PXMP2: variants seen among roughly 807,000 people sequenced by gnomAD.
PXMP2 encodes 22 kDa peroxisomal membrane protein.
A neutral mutation model predicts 20.2 loss-of-function variants in PXMP2; 13 were observed. The observed-to-expected ratio is 0.64, with a 90% CI of 0.42 to 1.02. The LOEUF (loss-of-function observed/expected upper bound fraction) is 1.02. PXMP2 is among the 50% of genes least tolerant of loss of function. The probability of loss-of-function intolerance (pLI) is 0.00; values close to 1 mark genes in which losing one functional copy is unlikely to be tolerated. For synonymous variants in PXMP2, 113 were observed against 111.2 expected (o/e 1.02, Z -0.10); for missense variants, 284 against 251.8 (o/e 1.13, Z -0.87).
intron 3 of PXMP2, among the ~76,000 whole-genome samples, chr12:132,697,409 A>ATTT (rs1484316132): frequency 2.0e-5 from 3 of 151,342 alleles, no homozygotes; most frequent in African/African-American, 4.8e-5. Context: ...TTATTTATTT[A>ATTT]TTTATTTTTT....
At chr12:132,690,202 A>T (rs577480121) in intron 1 of PXMP2, 61 bp from the exon 2 acceptor site, 13 of 1,375,128 alleles carry the variant, frequency 9.5e-6, no homozygotes, top group Non-Finnish European at 1.3e-5. Context: ...TAATTCACCT[A>T]TGGGAAAGGG....
At chr12:132,701,910 C>T (rs886386310) in intron 4 of PXMP2, among the ~76,000 whole-genome samples, 1 of 152,032 alleles carries the variant, frequency 6.6e-6, no homozygotes, top group Non-Finnish European at 1.5e-5. Flanking sequence ...GCCAACATAG[C>T]GAAACCCCAT....
In PXMP2 at chr12:132,687,740, C is replaced by G. The variant is rs745320984; in HGVS notation, c.70C>G (p.Gln24Glu). 704 of 1,222,058 alleles carry G rather than the reference C, an allele frequency of 5.8e-4. No homozygotes were observed. Among genetic ancestry groups the G allele is most frequent in the Non-Finnish European group, 6.8e-4 (668 of 978,344 alleles). 75.7% of individuals were successfully genotyped at this position (1,222,058 alleles called of 1,614,324 possible). ...LGALPRRALA[Q>E]YLLFLRLYPV... is the part of the protein sequence containing the mutation. ...GGCGCTGCCGCGGCGGGCGCTCGCC[C>G]AGTACCTGCTCTTCCTGCGGCTCTA... Residue 24 changes from glutamine (Q) to glutamate (E), a missense_variant, in exon 1 of 5, where the codon CAG becomes GAG. By Grantham distance (29) the Gln-to-Glu change is conservative (BLOSUM62 2). Coordinates refer to ENST00000317479, the MANE Select transcript of PXMP2 (RefSeq NM_018663.3).
intron 2 of PXMP2, among the ~76,000 whole-genome samples, chr12:132,694,164 C>CAGTT (rs1438247167): frequency 9.9e-6 from 1 of 101,470 alleles, no homozygotes. Context: ...CTCCCTTAGC[C>CAGTT]AGTTAGTGAG....
intron 4 of PXMP2, 86 bp downstream of exon 4, chr12:132,701,455 C>T: frequency 6.6e-6 from 10 of 1,509,042 alleles, no homozygotes; most frequent in Non-Finnish European, 8.1e-6. Flanking sequence ...TCCCCCCCTC[C>T]CTCCCCTCTT....
intron 2 of PXMP2, among the ~76,000 whole-genome samples, chr12:132,691,132 A>G (rs189735531): frequency 6.6e-6 from 1 of 151,360 alleles, no homozygotes; most frequent in Non-Finnish European, 1.5e-5. Flanking sequence ...GCTTACTGCA[A>G]GCTCTGCCTC....
intron 1 of PXMP2, 178 bp downstream of exon 1, chr12:132,687,970 G>T (rs991698085): frequency 9.2e-6 from 5 of 544,566 alleles, no homozygotes; most frequent in Non-Finnish European, 1.2e-5. Context: ...CGCGTCCGCA[G>T]TCAGCGATTG....
At chr12:132,695,857 C>G in intron 2 of PXMP2, 27 bp from the exon 3 acceptor site, 1 of 1,583,212 alleles carries the variant, frequency 6.3e-7, no homozygotes, top group Non-Finnish European at 8.6e-7. Context: ...GAACCACAAT[C>G]TGGCTCACAC....
At position 132,687,760 on chromosome 12, in the gene PXMP2, G is replaced by C. The variant is rs913426620; in HGVS notation, c.90G>C (p.Arg30=). 155 of 1,208,042 alleles carry C rather than the reference G, an allele frequency of 1.3e-4. No homozygotes were observed. The highest frequency in any genetic ancestry group is 1.5e-4 in the Non-Finnish European group (145 of 971,758). 74.8% of individuals were successfully genotyped at this position (1,208,042 alleles called of 1,614,324 possible). A position where few individuals can be genotyped will look rare whatever the true frequency, so the allele number is the denominator to read the frequency against. The part of the protein sequence containing the change: ...RALAQYLLFL[R]LYPVLTKAAT... ...TCGCCCAGTACCTGCTCTTCCTGCG[G>C]CTCTACCCGGTGCTCACCAAGGCGG... The change falls in exon 1 of 5, where the codon CGG becomes CGC. Residue 30 remains arginine, a synonymous_variant. Transcript: ENST00000317479.
chr12:132,687,948 C>A, intron 1 of PXMP2, 156 bp downstream of exon 1: 1 of 702,074 alleles, frequency 1.4e-6, no homozygotes, highest in Non-Finnish European at 1.8e-6. Context: ...CTGAACTTCC[C>A]GCGGCGACAC....
chr12:132,693,775 G>A (rs1489857295), intron 2 of PXMP2, among the ~76,000 whole-genome samples: 1 of 94,188 alleles, frequency 1.1e-5, no homozygotes, highest in East Asian at 2.9e-4. Flanking sequence ...GTTAGTGAGC[G>A]CCCTTGCCAG....
Position 132,695,928 on chromosome 12 carries a change from T to G in PXMP2, c.281T>G (p.Met94Arg). The change falls in exon 3 of 5, where the codon ATG becomes AGG. Residue 94 changes from methionine (M) to arginine (R), a missense_variant. Transcript: ENST00000317479. ...GPLSHFFYFF[M>R]EHWIPPEVPL... ...CTGAGTCACTTCTTCTACTTCTTCATGGAACATTGGATCCCTCCTGAGGTC... is the reference window on the plus strand; with the variant it reads ...CTGAGTCACTTCTTCTACTTCTTCAGGGAACATTGGATCCCTCCTGAGGTC... The G allele has an allele frequency of 6.2e-7, 1 of 1,611,210 alleles. No homozygotes were observed.
chr12:132,695,890 C>T lies in PXMP2; in HGVS notation c.243C>T (p.Phe81=), dbSNP rs1030441063. 1.2e-6 allele frequency: 2 copies of T among 1,603,786 alleles called. No individual in the cohort carries two copies. The highest frequency in any genetic ancestry group is 1.7e-6 in the Non-Finnish European group (2 of 1,174,548). ...CACCCCCTGGGGGCCTCAGGTTCTT[C>T]TTCACAGGGCCGCTGAGTCACTTCT... ...GPLRYAVYGF[F]FTGPLSHFFY... Residue 81 remains phenylalanine, a synonymous_variant, in exon 3 of 5, where the codon TTC becomes TTT. Transcript: ENST00000317479.
chr12:132,699,723 A>G (rs2136066744), intron 3 of PXMP2, among the ~76,000 whole-genome samples: 1 of 151,812 alleles, frequency 6.6e-6, no homozygotes, highest in East Asian at 1.9e-4. Flanking sequence ...ATAGCAGAGT[A>G]GTGTTCCGTG....
At chr12:132,698,533 T>TCC (rs2043422363) in intron 3 of PXMP2, among the ~76,000 whole-genome samples, 1 of 152,222 alleles carries the variant, frequency 6.6e-6, no homozygotes, top group Non-Finnish European at 1.5e-5. Context: ...CATAGCAAAT[T>TCC]TTCTCATTAC....
In PXMP2 at chr12:132,696,834, G is replaced by C. The variant is rs1289781253; in HGVS notation, c.399+788G>C. The stretch of plus-strand genomic sequence containing the variant: ...AAACAAAACAAAACAAATTAGCCAG[G>C]TATGGTGGTGCGTGCTTGTAATCCC... On this transcript the variant is annotated intron_variant, in intron 3 of 4. Transcript: ENST00000317479. The surrounding 1 kb of genome is among the most constrained non-coding windows in gnomAD (Gnocchi z 4.4). 6.6e-6 allele frequency among the ~76,000 whole-genome samples: 1 copy of C among 151,896 alleles called. No homozygotes were observed. Among genetic ancestry groups the C allele is most frequent in the Admixed American group, 6.6e-5 (1 of 15,222 alleles).
At chr12:132,701,202 T>A in intron 3 of PXMP2, 48 bp from the exon 4 acceptor site, 3 of 1,609,668 alleles carry the variant, frequency 1.9e-6, no homozygotes, top group Non-Finnish European at 2.5e-6. Flanking sequence ...GGAATTCAGT[T>A]CTGATGGGCA....
chr12:132,689,464 A>G (rs1208409589), intron 1 of PXMP2, among the ~76,000 whole-genome samples: 3 of 152,150 alleles, frequency 2.0e-5, no homozygotes, highest in Non-Finnish European at 4.4e-5. Flanking sequence ...AAAGGCGGAG[A>G]GAGGTGCAGC....
intron 3 of PXMP2, among the ~76,000 whole-genome samples, chr12:132,699,136 A>G (rs2043425261): frequency 6.6e-6 from 1 of 152,084 alleles, no homozygotes; most frequent in Non-Finnish European, 1.5e-5. Context: ...CTGTTGGTCC[A>G]TGTATACCCA....
Sources: gnomAD v4.1 joint callset for allele counts (sites outside exome capture counted in the v4.1 genomes callset) on GRCh38, gnomAD v4.1.1 for gene constraint, Gnocchi (gnomAD v3.1) non-coding constraint, MANE v1.5 for transcripts, NCBI Gene and HGNC (gene_info 2026-07-23, HGNC 2026-07-21) for gene names.